The following LRRN2 variants were observed in gnomAD, a reference collection of about 807,000 sequenced individuals.
LRRN2 encodes the protein leucine rich repeat neuronal 2, also known as leucine-rich repeat neuronal protein 2.
In LRRN2, 10 loss-of-function variants were observed where a neutral mutation model predicts 35.7. That is an observed-to-expected ratio of 0.28 (90% CI 0.17 to 0.47). The LOEUF (loss-of-function observed/expected upper bound fraction) is 0.47. Ranked by LOEUF, LRRN2 falls within the 20% of genes least tolerant of loss-of-function variation. The pLI is 0.99. For synonymous variants in LRRN2, 391 were observed against 409.6 expected (o/e 0.95, Z 0.55); for missense variants, 731 against 940.3 (o/e 0.78, Z 2.91).
intron 1 of LRRN2, 63 bp from the exon 2 acceptor site, chr1:204,620,281 T>A: frequency 2.6e-6 from 3 of 1,160,122 alleles, no homozygotes; most frequent in Non-Finnish European, 3.4e-6. Flanking sequence ...CCTCCTCCCG[T>A]GTTTGTTTGT....
At chr1:204,654,019 G>A (rs976907980) in intron 1 of LRRN2, among the ~76,000 whole-genome samples, 5 of 137,992 alleles carry the variant, frequency 3.6e-5, no homozygotes, top group African/African-American at 1.4e-4. Context: ...TTTGGTGACA[G>A]TGTGAGACCC....
chr1:204,629,618 C>T lies in LRRN2; in HGVS notation c.-226-9400G>A, dbSNP rs557731464. Reference sequence around the variant, plus strand: ...TCTTCCTCATTTTCTCTTGCCGCCACCATGTAAGAAGTGCCTTTCACCTCC... The same window carrying T: ...TCTTCCTCATTTTCTCTTGCCGCCATCATGTAAGAAGTGCCTTTCACCTCC... On this transcript the variant is annotated intron_variant, in intron 1 of 1. Transcript: ENST00000367177. The T allele has an allele frequency of 3.0e-4, 52 of 174,946 alleles. No individual in the cohort carries two copies. The South Asian group carries it at 4.9e-3, about 16-fold the overall frequency. The allele number at this position is 174,946 out of a possible 1,614,324, so 10.8% of individuals were successfully genotyped here. A position where few individuals can be genotyped will look rare whatever the true frequency, so the allele number is the denominator to read the frequency against.
At chr1:204,638,635 C>T (rs1045687853) in intron 1 of LRRN2, among the ~76,000 whole-genome samples, 1 of 152,072 alleles carries the variant, frequency 6.6e-6, no homozygotes, top group African/African-American at 2.4e-5. Flanking sequence ...TGGTCTTGAA[C>T]TCCTGACCTC....
At position 204,618,046 on chromosome 1, in the gene LRRN2, G is replaced by A. The variant is rs1350668; in HGVS notation, c.1947C>T (p.His649=). The A allele has an allele frequency of 7.6e-5, 123 of 1,613,054 alleles. No individual in the cohort carries two copies. The African/African-American group carries it at 1.5e-3, about 19-fold the overall frequency. Residue 649 remains histidine (H), a synonymous_variant, in exon 2 of 2, where the codon CAC becomes CAT. Transcript: ENST00000367177. ...CCTTCCTGGGTTGGCCTGTGCCAAG[G>A]TGGGCCGCTAGCCCAGCTGCCAGGA... ...VLLLAAGLAA[H]LGTGQPRKGV...
chr1:204,654,537 C>T (rs548943619), intron 1 of LRRN2, among the ~76,000 whole-genome samples: 7 of 152,326 alleles, frequency 4.6e-5, no homozygotes, highest in Non-Finnish European at 8.8e-5. Flanking sequence ...CAGGTCCCAT[C>T]CAGCTGTCTT....
intron 1 of LRRN2, among the ~76,000 whole-genome samples, chr1:204,640,629 C>T (rs1352136358): frequency 6.6e-6 from 1 of 152,128 alleles, no homozygotes; most frequent in Non-Finnish European, 1.5e-5. Flanking sequence ...CTACCCCTTC[C>T]CCATGCTTGC....
Position 204,637,645 on chromosome 1 carries a change from CGTGTGTGTGTGTGT to C in LRRN2, c.-226-17441_-226-17428del, listed in dbSNP as rs67761829. ...AGAGTCTGCCTATTGCAGCACGTGACGTGTGTGTGTGTGTGTGTGTGTGTGTGTGTGTGTGTGTG... is the reference window on the plus strand; with the variant it reads ...AGAGTCTGCCTATTGCAGCACGTGACGTGTGTGTGTGTGTGTGTGTGTGTG... On this transcript the variant is annotated intron_variant, in intron 1 of 1. Transcript: ENST00000367177. 1.0e-2 allele frequency among the ~76,000 whole-genome samples: 1,296 copies of C among 130,026 alleles called. 55 individuals carry two copies. The highest frequency in any genetic ancestry group is 0.082 in the Admixed American group (1,086 of 13,272). 85.3% of individuals were successfully genotyped at this position (130,026 alleles called of 152,430 possible). A position where few individuals can be genotyped will look rare whatever the true frequency, so the allele number is the denominator to read the frequency against.
intron 1 of LRRN2, among the ~76,000 whole-genome samples, chr1:204,668,323 G>A (rs977312796): frequency 3.3e-5 from 5 of 152,152 alleles, no homozygotes; most frequent in Non-Finnish European, 5.9e-5. Context: ...GGCCAGGTGT[G>A]GTGACTCACA....
intron 1 of LRRN2, among the ~76,000 whole-genome samples, chr1:204,679,915 C>T (rs930383912): frequency 8.5e-5 from 13 of 152,192 alleles, no homozygotes; most frequent in African/African-American, 1.4e-4. Flanking sequence ...CTGAAGATCC[C>T]GAAAAGGAGA....
At chr1:204,652,376 C>G (rs1668255889) in intron 1 of LRRN2, among the ~76,000 whole-genome samples, 1 of 150,962 alleles carries the variant, frequency 6.6e-6, no homozygotes, top group South Asian at 2.1e-4. Context: ...AGCGCTGTTT[C>G]GAGTCAGGTA....
At chr1:204,676,358 C>G (rs560148763) in intron 1 of LRRN2, among the ~76,000 whole-genome samples, 11 of 86,968 alleles carry the variant, frequency 1.3e-4, no homozygotes, top group Non-Finnish European at 2.6e-4. Flanking sequence ...AACATAGGAT[C>G]TTAGACCTTT....
chr1:204,680,037 C>G (rs1668913370), intron 1 of LRRN2, among the ~76,000 whole-genome samples: 1 of 152,150 alleles, frequency 6.6e-6, no homozygotes, highest in African/African-American at 2.4e-5. Context: ...CAAGGAACAC[C>G]AGATTCCGGG....
At chr1:204,674,132 C>T (rs1259623744) in intron 1 of LRRN2, among the ~76,000 whole-genome samples, 1 of 152,156 alleles carries the variant, frequency 6.6e-6, no homozygotes, top group Non-Finnish European at 1.5e-5. Flanking sequence ...CAGGGGCCTG[C>T]AGAGAGCCAA....
intron 1 of LRRN2, among the ~76,000 whole-genome samples, chr1:204,647,606 C>A (rs1489763829): frequency 6.6e-6 from 1 of 152,132 alleles, no homozygotes; most frequent in African/African-American, 2.4e-5. Context: ...AGAGCACCAA[C>A]TCCAAAAGAG....
intron 1 of LRRN2, among the ~76,000 whole-genome samples, chr1:204,672,595 T>C (rs534640442): frequency 8.5e-5 from 13 of 152,338 alleles, no homozygotes; most frequent in African/African-American, 3.1e-4. Flanking sequence ...GGAGGCTGCA[T>C]GGAGGCTGAT....
At chr1:204,669,608 TAAGG>T (rs1420124610) in intron 1 of LRRN2, among the ~76,000 whole-genome samples, 2 of 152,230 alleles carry the variant, frequency 1.3e-5, no homozygotes, top group African/African-American at 2.4e-5. Flanking sequence ...GATGCTTTTC[TAAGG>T]AAGGGCTACT....
intron 1 of LRRN2, among the ~76,000 whole-genome samples, chr1:204,642,415 T>C (rs1571654498): frequency 1.3e-5 from 2 of 152,132 alleles, no homozygotes; most frequent in Non-Finnish European, 2.9e-5. Context: ...GGAGCTACTC[T>C]TTGAATGCCA....
rs115813868 is a variant in LRRN2 at position 204,618,799 on chromosome 1, C to T, written c.1194G>A (p.Ala398=). The change falls in exon 2 of 2, where the codon GCG becomes GCA. Residue 398 remains alanine (A), a synonymous_variant. Transcript: ENST00000367177. ...RFIEPQSTLC[A]EPPDLQRLPV... ...GGAGGCGCTGGAGGTCCGGAGGCTC[C>T]GCACACAGGGTGGATTGCGGCTCGA... is the stretch of plus-strand genomic sequence containing the variant. The T allele has an allele frequency of 3.4e-3, 5,519 of 1,614,058 alleles. 29 individuals are homozygous for T. Among genetic ancestry groups the T allele is most frequent in the Non-Finnish European group, 3.3e-3 (3,950 of 1,180,026 alleles).
intron 1 of LRRN2, among the ~76,000 whole-genome samples, chr1:204,631,545 A>C (rs556660156): frequency 1.5e-4 from 22 of 151,624 alleles, no homozygotes; most frequent in Non-Finnish European, 3.1e-4. Context: ...GTCACAGAGC[A>C]AGGGCAGCAG....
Sources: allele counts gnomAD v4.1 joint callset (sites outside exome capture counted in the v4.1 genomes callset), GRCh38; gene constraint gnomAD v4.1.1; transcripts MANE v1.5; gene names NCBI Gene and HGNC (gene_info 2026-07-23, HGNC 2026-07-21).